Variants in DMXL2 observed in about 807,000 individuals in gnomAD.
DMXL2 encodes the protein Dmx like 2, also known as dmX-like protein 2.
In DMXL2, 103 loss-of-function variants were observed where a neutral mutation model predicts 331.1. That is an observed-to-expected ratio of 0.31 (90% CI 0.27 to 0.37). The LOEUF is 0.37. Ranked by LOEUF, DMXL2 falls within the 10% of genes least tolerant of loss-of-function variation. The pLI is 1.00. For missense variants in DMXL2, 3,171 were observed against 3,642.9 expected (o/e 0.87, Z 3.33); for synonymous variants, 1,281 against 1,252.1 (o/e 1.02, Z -0.49).
At chr15:51,463,834 T>C (rs573696325) in intron 32 of DMXL2, among the ~76,000 whole-genome samples, 2 of 152,238 alleles carry the variant, frequency 1.3e-5, no homozygotes, top group East Asian at 3.9e-4. Flanking sequence ...CAACAATGAA[T>C]ACAAGTCATA....
At chr15:51,507,874 T>C (rs1442103098) in intron 15 of DMXL2, among the ~76,000 whole-genome samples, 1 of 151,772 alleles carries the variant, frequency 6.6e-6, no homozygotes. Flanking sequence ...AAAAATTTTG[T>C]AGAAATTTCA....
chr15:51,557,923 C>T (rs1278255857), intron 6 of DMXL2, among the ~76,000 whole-genome samples: 2 of 152,220 alleles, frequency 1.3e-5, no homozygotes, highest in African/African-American at 2.4e-5. Flanking sequence ...TGTCCATATT[C>T]TAGACCAGAG....
At chr15:51,568,774 G>A (rs2050461878) in intron 2 of DMXL2, among the ~76,000 whole-genome samples, 1 of 152,094 alleles carries the variant, frequency 6.6e-6, no homozygotes, top group Non-Finnish European at 1.5e-5. Flanking sequence ...TCATATACAA[G>A]GTTGACCTAT....
intron 6 of DMXL2, among the ~76,000 whole-genome samples, chr15:51,563,020 A>C (rs747161111): frequency 1.3e-5 from 2 of 152,354 alleles, no homozygotes; most frequent in Non-Finnish European, 2.9e-5. Context: ...TGCCTCCTGG[A>C]CACAGGAATT....
intron 28 of DMXL2, among the ~76,000 whole-genome samples, chr15:51,473,940 A>G (rs968233194): frequency 2.0e-5 from 3 of 152,150 alleles, no homozygotes. Context: ...GGTATGCGCT[A>G]AAGATTTTGA....
At chr15:51,573,665 GGA>G (rs1364775578) in intron 2 of DMXL2, among the ~76,000 whole-genome samples, 5 of 151,882 alleles carry the variant, frequency 3.3e-5, no homozygotes, top group African/African-American at 7.3e-5. Flanking sequence ...GGACACTGGG[GGA>G]AACATCACAC....
chr15:51,517,237 T>A, intron 13 of DMXL2, 70 bp from the exon 14 acceptor site: 1 of 1,197,526 alleles, frequency 8.4e-7, no homozygotes, highest in South Asian at 1.2e-5. Flanking sequence ...ATACAGCATC[T>A]TGGACATTTA....
At chr15:51,560,701 A>G (rs1471279970) in intron 6 of DMXL2, among the ~76,000 whole-genome samples, 1 of 151,098 alleles carries the variant, frequency 6.6e-6, no homozygotes, top group Non-Finnish European at 1.5e-5. Context: ...AAAAAAGAAA[A>G]ACACAAACTC....
chr15:51,495,373 A>G (rs963181921), intron 18 of DMXL2, among the ~76,000 whole-genome samples: 2 of 152,208 alleles, frequency 1.3e-5, no homozygotes, highest in Admixed American at 1.3e-4. Flanking sequence ...ATTAGAATAG[A>G]TAACAAGAAC....
chr15:51,526,108 G>A (rs977992894), intron 13 of DMXL2, among the ~76,000 whole-genome samples: 5 of 141,628 alleles, frequency 3.5e-5, no homozygotes, highest in African/African-American at 1.0e-4. Context: ...AAGAGAGAGA[G>A]AAAGAGAGAG....
At chr15:51,553,270 G>T (rs1055986847) in intron 6 of DMXL2, among the ~76,000 whole-genome samples, 1 of 152,136 alleles carries the variant, frequency 6.6e-6, no homozygotes, top group Non-Finnish European at 1.5e-5. Flanking sequence ...ATATGGTGGT[G>T]TTCAAAAGAA....
chr15:51,491,983 C>CATTT (rs2042833354), intron 19 of DMXL2, among the ~76,000 whole-genome samples: 1 of 152,142 alleles, frequency 6.6e-6, no homozygotes, highest in East Asian at 1.9e-4. Context: ...GTTTTCATTT[C>CATTT]CCCTACAAAA....
At chr15:51,582,938 A>C (rs767256710) in intron 1 of DMXL2, among the ~76,000 whole-genome samples, 7 of 151,882 alleles carry the variant, frequency 4.6e-5, no homozygotes, top group Non-Finnish European at 7.4e-5. Flanking sequence ...ATAATTACCT[A>C]TGAACCCTTC....
chr15:51,534,478 G>A (rs2048176394), intron 13 of DMXL2, among the ~76,000 whole-genome samples: 1 of 152,216 alleles, frequency 6.6e-6, no homozygotes, highest in Non-Finnish European at 1.5e-5. Context: ...ATATGATTGT[G>A]TGAGCTATTC....
intron 42 of DMXL2, 176 bp from the exon 43 acceptor site, chr15:51,450,522 G>T: frequency 1.5e-6 from 1 of 647,220 alleles, no homozygotes; most frequent in Non-Finnish European, 2.6e-6. Flanking sequence ...AAAATGTTAA[G>T]CAATGTCAGA....
chr15:51,476,923 A>G (rs1387592011), intron 26 of DMXL2, among the ~76,000 whole-genome samples: 1 of 152,112 alleles, frequency 6.6e-6, no homozygotes, highest in Non-Finnish European at 1.5e-5. Context: ...AACAAATTTT[A>G]TTATGTTGGG....
At chr15:51,508,683 A>G (rs1007712045) in intron 15 of DMXL2, among the ~76,000 whole-genome samples, 4 of 152,234 alleles carry the variant, frequency 2.6e-5, no homozygotes, top group Admixed American at 2.0e-4. Flanking sequence ...TAAATTCAAC[A>G]GTAGCAGCTA....
At chr15:51,454,075 T>C (rs890524890) in intron 40 of DMXL2, 2 of 172,420 alleles carry the variant, frequency 1.2e-5, no homozygotes, top group Non-Finnish European at 2.4e-5. Context: ...GGAATTATAG[T>C]GGTACAGATC....
intron 15 of DMXL2, among the ~76,000 whole-genome samples, chr15:51,509,036 T>TC (rs1468457548): frequency 1.3e-5 from 2 of 152,146 alleles, no homozygotes; most frequent in Non-Finnish European, 2.9e-5. Context: ...ATCCAAATTT[T>TC]TTTTTCTGGT....
Sources: allele counts gnomAD v4.1 joint callset (sites outside exome capture counted in the v4.1 genomes callset), GRCh38; gene constraint gnomAD v4.1.1; transcripts MANE v1.5; gene names NCBI Gene and HGNC (gene_info 2026-07-23, HGNC 2026-07-21).